The following PDE4D variants were observed in gnomAD, a reference collection of about 807,000 sequenced individuals.
The protein encoded by PDE4D is 3',5'-cyclic-AMP phosphodiesterase 4D.
A neutral mutation model predicts 87.4 loss-of-function variants in PDE4D; 24 were observed. That is an observed-to-expected ratio of 0.27 (90% CI 0.20 to 0.39). The LOEUF (loss-of-function observed/expected upper bound fraction) is 0.39, where lower values mean the gene tolerates loss of function less well. Ranked by LOEUF, PDE4D falls within the 10% of genes least tolerant of loss-of-function variation. The probability of loss-of-function intolerance (pLI) is 1.00; values close to 1 mark genes in which losing one functional copy is unlikely to be tolerated. For synonymous variants in PDE4D, 384 were observed against 383.2 expected, an observed-to-expected ratio of 1.00 and a Z score of -0.02; for missense variants, 714 against 1,041.0, an observed-to-expected ratio of 0.69 and a Z score of 4.32.
In PDE4D at chr5:60,499,319, T is replaced by C. The variant is rs372173795; in HGVS notation, n.70+22732A>G. Among the ~76,000 whole-genome samples the C allele has an allele frequency of 3.3e-5, 5 of 152,172 alleles. No individual in the cohort carries two copies. In the East Asian group the frequency reaches 9.6e-4, roughly 29 times the overall value. On this transcript the variant is annotated intron_variant and non_coding_transcript_variant, in intron 1 of 2. Transcript: ENST00000506510. ...CTTCTTTTTACCCACTCTTTATATA[T>C]AAGGAAACAGAGGAAACAATAAGGA...
intron 1 of PDE4D, among the ~76,000 whole-genome samples, chr5:59,732,923 A>G (rs1757579713): frequency 1.1e-5 from 1 of 88,872 alleles, no homozygotes. Context: ...CATGGATTTG[A>G]GTTAAGTAAG....
At chr5:59,476,548 C>T (rs905572970) in intron 1 of PDE4D, among the ~76,000 whole-genome samples, 2 of 152,054 alleles carry the variant, frequency 1.3e-5, no homozygotes. Context: ...TGCATGTGTT[C>T]AAATTTACTC....
rs189163177 is a variant in PDE4D, at chr5:59,850,808, T to C, written c.455+42360A>G. 1.1e-4 allele frequency among the ~76,000 whole-genome samples: 17 copies of C among 152,102 alleles called. No homozygotes were observed. In the East Asian group the frequency reaches 2.7e-3, roughly 24 times the overall value. ...TTATAAAGCTACCGCAGAGGTCCAA[T>C]AGGAGATGAGAACTTGAGTAGACTA... On this transcript the variant is annotated intron_variant, in intron 1 of 14. Coordinates refer to ENST00000340635, the MANE Select transcript of PDE4D (RefSeq NM_001104631.2).
intron 1 of PDE4D, among the ~76,000 whole-genome samples, chr5:60,452,090 GA>G (rs1311083068): frequency 2.0e-5 from 3 of 151,986 alleles, no homozygotes; most frequent in African/African-American, 7.3e-5. Flanking sequence ...CCTTCTCTTG[GA>G]AAGAATTAAT....
At chr5:59,241,631 C>T (rs1044357864) in intron 1 of PDE4D, among the ~76,000 whole-genome samples, 9 of 152,156 alleles carry the variant, frequency 5.9e-5, no homozygotes, top group Non-Finnish European at 1.3e-4. Flanking sequence ...CTTTACTTGA[C>T]GAAGTCACAG....
At chr5:60,472,722 T>G (rs1017258300) in intron 1 of PDE4D, among the ~76,000 whole-genome samples, 2 of 152,296 alleles carry the variant, frequency 1.3e-5, no homozygotes, top group Middle Eastern at 6.8e-3. Context: ...TGGTTCAACT[T>G]AGGATTTTTC....
At chr5:59,022,109 C>T (rs1755272759) in intron 6 of PDE4D, among the ~76,000 whole-genome samples, 1 of 152,216 alleles carries the variant, frequency 6.6e-6, no homozygotes, top group Non-Finnish European at 1.5e-5. Flanking sequence ...CTCCAGTCAG[C>T]TCTACCCCTC....
intron 1 of PDE4D, among the ~76,000 whole-genome samples, chr5:59,416,389 G>A (rs1582490297): frequency 6.6e-6 from 1 of 152,090 alleles, no homozygotes; most frequent in African/African-American, 2.4e-5. Flanking sequence ...TAGCCTGTAT[G>A]CCTGAATTTT....
chr5:60,310,884 G>T (rs1440277356), intron 1 of PDE4D, among the ~76,000 whole-genome samples: 1 of 152,134 alleles, frequency 6.6e-6, no homozygotes, highest in Non-Finnish European at 1.5e-5. Flanking sequence ...CTGCAAGTGG[G>T]GGATAATCAT....
At chr5:59,575,626 GTATC>G in intron 1 of PDE4D, among the ~76,000 whole-genome samples, 1 of 152,058 alleles carries the variant, frequency 6.6e-6, no homozygotes, top group East Asian at 1.9e-4. Context: ...TATAGAAACA[GTATC>G]TATCCCCCCA....
intron 1 of PDE4D, among the ~76,000 whole-genome samples, chr5:59,392,181 G>A (rs1788369477): frequency 1.3e-5 from 2 of 151,730 alleles, no homozygotes; most frequent in African/African-American, 4.8e-5. Context: ...GTCTGTGAGG[G>A]TGTTGCCAAA....
chr5:59,661,640 A>G (rs1745269698), intron 1 of PDE4D, among the ~76,000 whole-genome samples: 1 of 152,218 alleles, frequency 6.6e-6, no homozygotes, highest in African/African-American at 2.4e-5. Flanking sequence ...CCATATCAAG[A>G]TATCCAGGAA....
chr5:60,468,031 A>C (rs1747496512), intron 1 of PDE4D, among the ~76,000 whole-genome samples: 1 of 152,116 alleles, frequency 6.6e-6, no homozygotes, highest in Non-Finnish European at 1.5e-5. Context: ...TCCTATGATA[A>C]TACCTTGTAG....
At chr5:60,039,463 T>A (rs1768206213) in intron 2 of PDE4D, among the ~76,000 whole-genome samples, 1 of 151,386 alleles carries the variant, frequency 6.6e-6, no homozygotes, top group African/African-American at 2.4e-5. Flanking sequence ...GAGGGATAGC[T>A]TTAGGAGATA....
At chr5:59,642,515 G>A (rs1304129206) in intron 1 of PDE4D, among the ~76,000 whole-genome samples, 1 of 152,080 alleles carries the variant, frequency 6.6e-6, no homozygotes, top group Non-Finnish European at 1.5e-5. Context: ...CTATTCTCGT[G>A]GTGGTGAATA....
At chr5:60,095,031 A>G (rs532340371) in intron 2 of PDE4D, among the ~76,000 whole-genome samples, 25 of 152,192 alleles carry the variant, frequency 1.6e-4, no homozygotes, top group African/African-American at 5.8e-4. Context: ...ATTTTTTAAC[A>G]TATTTCTTTT....
chr5:60,448,508 C>T (rs1745830431), intron 1 of PDE4D: 1 of 152,126 alleles, frequency 6.6e-6, no homozygotes, highest in Admixed American at 6.6e-5. Flanking sequence ...AGACTGTGTT[C>T]AGTGTTCTTC....
chr5:59,265,265 T>C (rs146806185), intron 1 of PDE4D, among the ~76,000 whole-genome samples: 1 of 152,092 alleles, frequency 6.6e-6, no homozygotes, highest in East Asian at 1.9e-4. Context: ...GGGTTCTCAT[T>C]GAGTTTTAAA....
chr5:59,220,620 AAGTT>A (rs1752344619), intron 1 of PDE4D, among the ~76,000 whole-genome samples: 1 of 152,032 alleles, frequency 6.6e-6, no homozygotes, highest in Non-Finnish European at 1.5e-5. Context: ...AACTTTCTGA[AAGTT>A]AGCCTAATTA....
Sources: allele counts gnomAD v4.1 joint callset (sites outside exome capture counted in the v4.1 genomes callset), GRCh38; gene constraint gnomAD v4.1.1; transcripts MANE v1.5; gene names NCBI Gene and HGNC (gene_info 2026-07-23, HGNC 2026-07-21).